The following SPAM1 variants were observed in gnomAD, a reference collection of about 807,000 sequenced individuals.
The protein encoded by SPAM1 is sperm adhesion molecule 1, also known as hyaluronidase PH-20.
A neutral mutation model predicts 29.6 loss-of-function variants in SPAM1; 22 were observed. The ratio of observed to expected loss-of-function variants is 0.74; its 90% CI spans 0.53 to 1.06. The LOEUF (loss-of-function observed/expected upper bound fraction) is 1.06. Ranked by LOEUF, SPAM1 falls within the 50% of genes least tolerant of loss-of-function variation. The pLI, the probability that SPAM1 is intolerant of heterozygous loss-of-function variation, is 0.00. For missense variants in SPAM1, 534 were observed against 604.0 expected, an observed-to-expected ratio of 0.88 and a Z score of 1.21; for synonymous variants, 194 against 204.6, an observed-to-expected ratio of 0.95 and a Z score of 0.44.
chr7:123,925,909 A>C (rs1369043444), intron 1 of SPAM1: 1 of 152,152 alleles, frequency 6.6e-6, no homozygotes, highest in African/African-American at 2.4e-5. Flanking sequence ...AAGAATACTG[A>C]ATTTGCCAAT....
chr7:123,933,250 G>A (rs1808146023), intron 1 of SPAM1, among the ~76,000 whole-genome samples: 1 of 151,914 alleles, frequency 6.6e-6, no homozygotes, highest in African/African-American at 2.4e-5. Flanking sequence ...GCCCTGGTGT[G>A]TGATGTTCCC....
intron 1 of SPAM1, among the ~76,000 whole-genome samples, chr7:123,948,855 C>T (rs181614161): frequency 9.4e-4 from 143 of 152,036 alleles, no homozygotes; most frequent in African/African-American, 3.3e-3. Context: ...ATTCTGAAGG[C>T]AGTGTCTTGA....
At chr7:123,965,831 C>T (rs1270543787) in intron 5 of SPAM1, among the ~76,000 whole-genome samples, 2 of 151,950 alleles carry the variant, frequency 1.3e-5, no homozygotes, top group Non-Finnish European at 2.9e-5. Flanking sequence ...TTTTCTAATT[C>T]TGTGACAAAT....
intron 5 of SPAM1, among the ~76,000 whole-genome samples, chr7:123,969,838 A>T (rs1263620908): frequency 6.6e-6 from 1 of 151,660 alleles, no homozygotes; most frequent in Non-Finnish European, 1.5e-5. Flanking sequence ...GTGAAAAATG[A>T]CATTGGTATT....
intron 2 of SPAM1, among the ~76,000 whole-genome samples, chr7:123,951,590 A>G (rs1808768068): frequency 6.6e-6 from 1 of 152,056 alleles, no homozygotes; most frequent in African/African-American, 2.4e-5. Flanking sequence ...GACGTTCTCA[A>G]TAGGCTCATT....
chr7:123,970,197 G>T lies in SPAM1; in HGVS notation c.1486-1G>T. 6.5e-7 allele frequency: 1 copy of T among 1,548,870 alleles called. No homozygotes were observed. On this transcript the variant is annotated splice_acceptor_variant, in intron 5 of 6. Coordinates refer to the SPAM1 transcript ENST00000340011. LOFTEE classifies it high-confidence loss of function. Reference sequence around the variant, plus strand: ...TTAATTTTCTTATGGTTTTCTTACAGTGGAGGCTGGAAGTCTGGGATCAAG... The same window carrying T: ...TTAATTTTCTTATGGTTTTCTTACATTGGAGGCTGGAAGTCTGGGATCAAG...
At chr7:123,944,392 C>T (rs536437638) in intron 1 of SPAM1, among the ~76,000 whole-genome samples, 144 of 152,180 alleles carry the variant, frequency 9.5e-4, no homozygotes, top group Middle Eastern at 3.4e-3. Flanking sequence ...ATGTAATAAC[C>T]TTAATTAAAT....
chr7:123,945,441 T>C (rs902210526), intron 1 of SPAM1, among the ~76,000 whole-genome samples: 9 of 152,092 alleles, frequency 5.9e-5, no homozygotes, highest in Non-Finnish European at 1.2e-4. Flanking sequence ...TTTAACTTTG[T>C]TAGTTTTTGT....
At position 123,970,115 on chromosome 7, in the gene SPAM1, GT is replaced by G; in HGVS notation, c.1486-80del. 5 of 1,417,680 alleles carry G rather than the reference GT, an allele frequency of 3.5e-6. No individual in the cohort carries two copies. The East Asian group carries it at 7.6e-5, about 21-fold the overall frequency. 87.8% of individuals were successfully genotyped at this position (1,417,680 alleles called of 1,614,324 possible). ...GTATTTATTCTGTATATCTCCATTA[GT>G]TTGCTAGTGATGCTATAACAAAGTG... is the stretch of plus-strand genomic sequence containing the variant. On this transcript the variant is annotated intron_variant, in intron 5 of 6. Transcript: ENST00000340011.
At chr7:123,963,958 T>G (rs1792391313), downstream of SPAM1, among the ~76,000 whole-genome samples, 1 of 151,952 alleles carries the variant, frequency 6.6e-6, no homozygotes, top group South Asian at 2.1e-4. Flanking sequence ...ATTTGGAGAA[T>G]GTATCTATTT....
chr7:123,939,253 T>C (rs1489242889), intron 1 of SPAM1, among the ~76,000 whole-genome samples: 2 of 151,906 alleles, frequency 1.3e-5, no homozygotes, highest in Non-Finnish European at 2.9e-5. Flanking sequence ...GCCCGGCTAA[T>C]TTTTTGTATT....
Position 123,953,806 on chromosome 7 carries a change from C to T in SPAM1, c.236C>T (p.Pro79Leu). The T allele has an allele frequency of 6.2e-7, 1 of 1,612,656 alleles. No individual in the cohort carries two copies. The highest frequency in any genetic ancestry group is 8.5e-7 in the Non-Finnish European group (1 of 1,179,410). Reference sequence around the variant, plus strand: ...AGCCTCTTCTCTTTCATAGGAAGCCCCCGAATAAACGCCACCGGGCAAGGT... The same window carrying T: ...AGCCTCTTCTCTTTCATAGGAAGCCTCCGAATAAACGCCACCGGGCAAGGT... ...DMSLFSFIGSPRINATGQGVT... is the reference protein window; with the variant it reads ...DMSLFSFIGSLRINATGQGVT... Residue 79 changes from proline to leucine, a missense_variant, in exon 3 of 5, where the codon CCC becomes CTC. Pro to Leu is a moderately conservative substitution (Grantham distance 98, BLOSUM62 -3). Transcript: ENST00000682466.
intron 1 of SPAM1, among the ~76,000 whole-genome samples, chr7:123,931,493 G>T (rs1487165012): frequency 6.6e-6 from 1 of 152,178 alleles, no homozygotes; most frequent in East Asian, 1.9e-4. Context: ...AGGTAGGCCT[G>T]ACTGGATTTC....
At chr7:123,938,617 G>T (rs1306325654) in intron 1 of SPAM1, among the ~76,000 whole-genome samples, 1 of 152,132 alleles carries the variant, frequency 6.6e-6, no homozygotes, top group Non-Finnish European at 1.5e-5. Flanking sequence ...GACTGTAGTG[G>T]CTATTTGGAT....
intron 5 of SPAM1, among the ~76,000 whole-genome samples, chr7:123,966,562 T>C (rs550728953): frequency 6.6e-6 from 1 of 152,196 alleles, no homozygotes; most frequent in Admixed American, 6.5e-5. Context: ...ATGTGGTACA[T>C]ATACACCATG....
rs1375629761 is a variant in SPAM1, at chr7:123,954,978, T to C, written c.955-19T>C. The C allele has an allele frequency of 1.9e-6, 3 of 1,581,938 alleles. No individual in the cohort carries two copies. The highest frequency in any genetic ancestry group is 2.7e-5 in the African/African-American group (2 of 74,146). On this transcript the variant is annotated intron_variant, in intron 3 of 4. Transcript: ENST00000682466. Reference sequence around the variant, plus strand: ...TCATTTCATTTTTATCTGCTAACTCTTTCTGTCACATTTTCCAGGATGAAC... The same window carrying C: ...TCATTTCATTTTTATCTGCTAACTCCTTCTGTCACATTTTCCAGGATGAAC...
intron 1 of SPAM1, among the ~76,000 whole-genome samples, chr7:123,932,774 T>G (rs1808126939): frequency 6.6e-6 from 1 of 152,216 alleles, no homozygotes; most frequent in South Asian, 2.1e-4. Flanking sequence ...CATTTTCATT[T>G]GACCAGATGC....
intron 1 of SPAM1, among the ~76,000 whole-genome samples, chr7:123,948,383 G>A (rs1057041849): frequency 6.6e-6 from 1 of 152,120 alleles, no homozygotes; most frequent in Admixed American, 6.6e-5. Flanking sequence ...CAATCAACTT[G>A]GGGCCTACCG....
At chr7:123,971,181 A>G (rs1337231437) in exon 7 of SPAM1, 1 of 152,108 alleles carries the variant, frequency 6.6e-6, no homozygotes, top group Non-Finnish European at 1.5e-5. Flanking sequence ...TGGGAATCTG[A>G]TGAAGCCTAT....
Sources: allele counts gnomAD v4.1 joint callset (sites outside exome capture counted in the v4.1 genomes callset), GRCh38; gene constraint gnomAD v4.1.1; transcripts MANE v1.5; gene names NCBI Gene and HGNC (gene_info 2026-07-23, HGNC 2026-07-21).